Variants in EPHA6 observed in about 807,000 individuals in gnomAD.
EPHA6 encodes EPH receptor A6.
EPHA6 carries 50 observed loss-of-function variants against 112.0 expected under a neutral mutation model. That is an observed-to-expected ratio of 0.45 (90% confidence interval 0.36 to 0.56). EPHA6 has a LOEUF of 0.56. Ranked by LOEUF, EPHA6 falls within the 20% of genes least tolerant of loss-of-function variation. The pLI, the probability that EPHA6 is intolerant of heterozygous loss-of-function variation, is 0.00. For missense variants in EPHA6, 1,280 were observed against 1,417.4 expected, an observed-to-expected ratio of 0.90 and a Z score of 1.56; for synonymous variants, 529 against 490.7, an observed-to-expected ratio of 1.08 and a Z score of -1.03.
At chr3:97,255,992 G>C (rs996708906) in intron 5 of EPHA6, among the ~76,000 whole-genome samples, 5 of 151,940 alleles carry the variant, frequency 3.3e-5, no homozygotes, top group African/African-American at 1.2e-4. Context: ...ACATAATGAT[G>C]GATGAAATGC....
chr3:97,556,980 T>A (rs563065002), intron 11 of EPHA6, among the ~76,000 whole-genome samples: 1 of 152,188 alleles, frequency 6.6e-6, no homozygotes, highest in South Asian at 2.1e-4. Flanking sequence ...TTCTCTTTTA[T>A]TTTTGTGTCT....
intron 2 of EPHA6, among the ~76,000 whole-genome samples, chr3:96,904,513 C>T (rs926093686): frequency 2.7e-5 from 4 of 150,318 alleles, no homozygotes; most frequent in South Asian, 2.1e-4. Context: ...TGCTAAATGA[C>T]GAGTTACTGG....
Position 97,592,690 on chromosome 3 carries a change from C to T in EPHA6, c.2465C>T (p.Pro822Leu), listed in dbSNP as rs371381556. 6.2e-6 allele frequency: 10 copies of T among 1,610,768 alleles called. No homozygotes were observed. Among genetic ancestry groups the T allele is most frequent in the Admixed American group, 3.4e-5 (2 of 59,194 alleles). ...GGGTTTTTAAATAGCATCCAGGCCC[C>T]GCATCCAGTGCCAGGGGGAGGATCT... ...RAGFLNSIQAPHPVPGGGSLP... is the reference protein window; with the variant it reads ...RAGFLNSIQALHPVPGGGSLP... The change falls in exon 12 of 18, where the codon CCG becomes CTG. Residue 822 changes from proline to leucine, a missense_variant. By Grantham distance (98) the Pro-to-Leu change is moderately conservative. Around this residue, in one of 4 missense-constraint regions of EPHA6, gnomAD observed 878 missense variants for 999.7 expected, o/e 0.88. Coordinates refer to ENST00000389672, the MANE Select transcript of EPHA6 (RefSeq NM_001080448.3).
intron 17 of EPHA6, among the ~76,000 whole-genome samples, chr3:97,748,185 C>A (rs554001110): frequency 6.6e-6 from 1 of 152,210 alleles, no homozygotes; most frequent in East Asian, 1.9e-4. Flanking sequence ...TTATACCTTC[C>A]ATCCTACATA....
At chr3:97,333,459 A>G (rs1323241437) in intron 5 of EPHA6, among the ~76,000 whole-genome samples, 2 of 126,716 alleles carry the variant, frequency 1.6e-5, no homozygotes, top group Non-Finnish European at 3.2e-5. Flanking sequence ...TACACTCTGT[A>G]TGGCTTTTCT....
At chr3:96,969,641 C>G (rs1576200868) in intron 2 of EPHA6, among the ~76,000 whole-genome samples, 1 of 151,868 alleles carries the variant, frequency 6.6e-6, no homozygotes, top group East Asian at 1.9e-4. Flanking sequence ...ATTTTATTTC[C>G]ATGTTGCATA....
intron 3 of EPHA6, among the ~76,000 whole-genome samples, chr3:97,057,698 C>T (rs56079118): frequency 2.0e-5 from 3 of 152,174 alleles, no homozygotes; most frequent in Admixed American, 6.5e-5. Flanking sequence ...AAAGGATATA[C>T]TCATAATATG....
chr3:97,113,425 CCTAA>C (rs1336197238), intron 3 of EPHA6, among the ~76,000 whole-genome samples: 1 of 152,080 alleles, frequency 6.6e-6, no homozygotes, highest in Non-Finnish European at 1.5e-5. Flanking sequence ...CAGAAATGTT[CCTAA>C]CTGAGGCAAG....
At chr3:97,256,771 T>C (rs1281855108) in intron 5 of EPHA6, among the ~76,000 whole-genome samples, 2 of 152,056 alleles carry the variant, frequency 1.3e-5, no homozygotes, top group Non-Finnish European at 2.9e-5. Flanking sequence ...TATAGTGAAA[T>C]GTCATTTGTT....
chr3:96,875,410 A>C (rs566501762), intron 2 of EPHA6, among the ~76,000 whole-genome samples: 2 of 152,262 alleles, frequency 1.3e-5, no homozygotes, highest in Non-Finnish European at 2.9e-5. Context: ...TTTCTCCACT[A>C]TCTCAGAATA....
Position 97,725,514 on chromosome 3 carries a change from T to G in EPHA6, c.2934+5104T>G, listed in dbSNP as rs139420022. 1.1e-3 allele frequency among the ~76,000 whole-genome samples: 170 copies of G among 152,186 alleles called. 2 individuals are homozygous for G. Among genetic ancestry groups the G allele is most frequent in the African/African-American group, 3.9e-3 (162 of 41,536 alleles). On this transcript the variant is annotated intron_variant, in intron 15 of 17. Transcript: ENST00000389672. ...ATATTACTTTTTTGGTATATATCGT[T>G]TTCAAGAGCAACTTTATTTACTGCA...
At chr3:97,474,012 A>C (rs1354030256) in intron 7 of EPHA6, among the ~76,000 whole-genome samples, 1 of 151,828 alleles carries the variant, frequency 6.6e-6, no homozygotes, top group African/African-American at 2.4e-5. Context: ...ATTTACATTC[A>C]GATTTTTTTA....
intron 1 of EPHA6, among the ~76,000 whole-genome samples, chr3:96,828,775 T>G (rs2033829554): frequency 6.6e-6 from 1 of 152,168 alleles, no homozygotes; most frequent in East Asian, 1.9e-4. Context: ...CTAATACGTT[T>G]TGGTGGTTTT....
intron 10 of EPHA6, among the ~76,000 whole-genome samples, chr3:97,508,478 G>C (rs2092299932): frequency 6.6e-6 from 1 of 152,184 alleles, no homozygotes; most frequent in Admixed American, 6.5e-5. Context: ...AGTTTTGCGT[G>C]AGTTTCTTAA....
chr3:97,318,658 ATT>A (rs1268601984), intron 5 of EPHA6, among the ~76,000 whole-genome samples: 1 of 152,018 alleles, frequency 6.6e-6, no homozygotes, highest in Non-Finnish European at 1.5e-5. Flanking sequence ...CAGAGTCTGG[ATT>A]TCTCACATCC....
chr3:97,168,177 T>C (rs1402031371), intron 3 of EPHA6, among the ~76,000 whole-genome samples: 5 of 152,170 alleles, frequency 3.3e-5, no homozygotes, highest in Non-Finnish European at 7.3e-5. Flanking sequence ...AAAGTTATTA[T>C]AAAATAATTA....
In EPHA6 at chr3:97,389,990, C is replaced by T. The variant is rs1447878795; in HGVS notation, c.1607-15160C>T. Reference sequence around the variant, plus strand: ...GTAAGTGATTTGTGAACAACAATTACTAACTAGAGAAAATGAGGGTAAAAC... The same window carrying T: ...GTAAGTGATTTGTGAACAACAATTATTAACTAGAGAAAATGAGGGTAAAAC... On this transcript the variant is annotated intron_variant, in intron 5 of 17. Coordinates refer to ENST00000389672, the MANE Select transcript of EPHA6 (RefSeq NM_001080448.3). Among the ~76,000 whole-genome samples the T allele has an allele frequency of 2.6e-5, 4 of 152,098 alleles. No individual in the cohort carries two copies. In the East Asian group the frequency reaches 7.7e-4, roughly 29 times the overall value.
intron 3 of EPHA6, among the ~76,000 whole-genome samples, chr3:97,006,527 A>ATT (rs60999000): frequency 1.7e-4 from 24 of 141,460 alleles, no homozygotes; most frequent in South Asian, 4.5e-4. Context: ...CTAGCAGTCT[A>ATT]TTTTTTTTTT....
chr3:97,187,722 A>AAAGAAAGG (rs2077187225), intron 3 of EPHA6, among the ~76,000 whole-genome samples: 1 of 150,552 alleles, frequency 6.6e-6, no homozygotes, highest in Admixed American at 6.6e-5. Flanking sequence ...AGAAAGAAAG[A>AAAGAAAGG]AAGAAAGAAA....
Sources: allele counts gnomAD v4.1 joint callset (sites outside exome capture counted in the v4.1 genomes callset), GRCh38; gene constraint gnomAD v4.1.1; regional missense constraint gnomAD v4.1.1; transcripts MANE v1.5; gene names NCBI Gene and HGNC (gene_info 2026-07-23, HGNC 2026-07-21).